Variants in NRG3 observed in about 807,000 individuals in gnomAD.
NRG3 encodes neuregulin 3, also known as pro-neuregulin-3, membrane-bound isoform.
NRG3 carries 31 observed loss-of-function variants against 66.9 expected under a neutral mutation model. That is an observed-to-expected ratio of 0.46 (90% CI 0.35 to 0.63). The LOEUF (loss-of-function observed/expected upper bound fraction) is 0.63, where lower values mean the gene tolerates loss of function less well. NRG3 is among the 20% of genes least tolerant of loss of function. NRG3 has a pLI of 0.00. For synonymous variants in NRG3, 393 were observed against 359.4 expected, an observed-to-expected ratio of 1.09 and a Z score of -1.06; for missense variants, 910 against 878.9, an observed-to-expected ratio of 1.04 and a Z score of -0.45.
At chr10:81,905,878 GGGCCATCTTTATTAGA>G (rs1844554789) in intron 1 of NRG3, among the ~76,000 whole-genome samples, 1 of 152,138 alleles carries the variant, frequency 6.6e-6, no homozygotes, top group Admixed American at 6.5e-5. Context: ...CAAATCTCTT[GGGCCATCTTTATTAGA>G]GGAAGCAGCA....
chr10:82,481,339 C>T (rs371175433), intron 2 of NRG3, among the ~76,000 whole-genome samples: 187 of 152,178 alleles, frequency 1.2e-3, no homozygotes, highest in East Asian at 8.7e-3. Context: ...ATATTTGTAC[C>T]GTGAACTCAT....
At chr10:82,507,331 A>C (rs986897153) in intron 2 of NRG3, among the ~76,000 whole-genome samples, 4 of 152,144 alleles carry the variant, frequency 2.6e-5, no homozygotes, top group African/African-American at 9.7e-5. Context: ...CAATAAAGAG[A>C]GAGAAGTGAG....
intron 2 of NRG3, among the ~76,000 whole-genome samples, chr10:82,570,653 T>A (rs1264806060): frequency 6.6e-6 from 1 of 151,614 alleles, no homozygotes. Flanking sequence ...AATCAAGATC[T>A]ATTGGTAAAT....
chr10:82,612,530 T>C (rs1004268641), intron 2 of NRG3, among the ~76,000 whole-genome samples: 1 of 152,202 alleles, frequency 6.6e-6, no homozygotes, highest in Admixed American at 6.5e-5. Flanking sequence ...GAAAAACATA[T>C]GGCATTAATG....
intron 1 of NRG3, among the ~76,000 whole-genome samples, chr10:82,286,107 T>A (rs11193429): frequency 0.12 from 18,626 of 152,160 alleles, 2,934 homozygotes; most frequent in African/African-American, 0.36. Context: ...TATACCTTTA[T>A]GTCCTTTATA....
At chr10:82,977,598 C>CAA (rs766341428) in intron 7 of NRG3, among the ~76,000 whole-genome samples, 9 of 55,394 alleles carry the variant, frequency 1.6e-4, no homozygotes, top group African/African-American at 2.0e-4. Flanking sequence ...GACTCTGTCT[C>CAA]AAAAAAAAAA....
intron 2 of NRG3, among the ~76,000 whole-genome samples, chr10:82,381,073 C>A (rs940947751): frequency 1.3e-5 from 2 of 151,960 alleles, no homozygotes; most frequent in Admixed American, 1.3e-4. Flanking sequence ...AAAAGGCAAG[C>A]AGACAAAATG....
intron 2 of NRG3, among the ~76,000 whole-genome samples, chr10:82,698,546 T>C (rs1458536162): frequency 6.6e-6 from 1 of 152,196 alleles, no homozygotes. Context: ...TAAGCCCTAT[T>C]AAATAAATTA....
At chr10:82,176,880 G>GACACACACACACACAC (rs142443398) in intron 1 of NRG3, among the ~76,000 whole-genome samples, 7,862 of 146,090 alleles carry the variant, frequency 0.054, 291 homozygotes, top group East Asian at 0.13. Context: ...TTTAAAACAA[G>GACACACACACACACAC]ACACACACAC....
chr10:82,341,823 A>C (rs2082703996), intron 1 of NRG3, among the ~76,000 whole-genome samples: 1 of 151,886 alleles, frequency 6.6e-6, no homozygotes, highest in Non-Finnish European at 1.5e-5. Context: ...CCCTTTGTTT[A>C]GCTCCTGGTT....
intron 1 of NRG3, among the ~76,000 whole-genome samples, chr10:82,185,857 G>T (rs560529342): frequency 2.0e-3 from 311 of 152,232 alleles, no homozygotes; most frequent in African/African-American, 7.2e-3. Flanking sequence ...GTTCGAGTTA[G>T]GTTTATCATT....
intron 1 of NRG3, among the ~76,000 whole-genome samples, chr10:81,976,672 A>G (rs1343323883): frequency 6.6e-6 from 1 of 152,210 alleles, no homozygotes; most frequent in African/African-American, 2.4e-5. Flanking sequence ...CTGTCACCCA[A>G]ATGAAGAAAT....
At chr10:82,394,883 C>A (rs1216953784) in intron 2 of NRG3, among the ~76,000 whole-genome samples, 2 of 152,138 alleles carry the variant, frequency 1.3e-5, no homozygotes, top group African/African-American at 4.8e-5. Flanking sequence ...TTGAACTCTT[C>A]TGTGCTGCTG....
At chr10:82,550,149 A>G (rs1252482406) in intron 2 of NRG3, among the ~76,000 whole-genome samples, 2 of 152,214 alleles carry the variant, frequency 1.3e-5, no homozygotes, top group Non-Finnish European at 2.9e-5. Context: ...AATGCTTGCC[A>G]CATAGAAAGC....
chr10:82,485,787 C>T (rs1229002634), intron 2 of NRG3, among the ~76,000 whole-genome samples: 1 of 44,146 alleles, frequency 2.3e-5, no homozygotes, highest in African/African-American at 5.0e-5. Flanking sequence ...AAAGTACAGG[C>T]AGCAAAAGCA....
intron 2 of NRG3, among the ~76,000 whole-genome samples, chr10:82,576,008 A>G (rs1228787822): frequency 6.6e-6 from 1 of 151,780 alleles, no homozygotes; most frequent in African/African-American, 2.4e-5. Flanking sequence ...GGAAGTGACT[A>G]CAAAGTGACA....
intron 2 of NRG3, among the ~76,000 whole-genome samples, chr10:82,521,185 C>CA (rs1345288344): frequency 1.3e-5 from 2 of 151,838 alleles, no homozygotes; most frequent in Non-Finnish European, 2.9e-5. Flanking sequence ...GTTATGTGTA[C>CA]AAAAAATACC....
At chr10:82,947,568 A>G (rs1430510357) in intron 4 of NRG3, among the ~76,000 whole-genome samples, 2 of 152,244 alleles carry the variant, frequency 1.3e-5, no homozygotes, top group Non-Finnish European at 2.9e-5. Flanking sequence ...TGAGAGTTCT[A>G]GTTGTTCACA....
chr10:82,215,818 A>G (rs117018423), intron 1 of NRG3, among the ~76,000 whole-genome samples: 37 of 152,216 alleles, frequency 2.4e-4, no homozygotes, highest in Non-Finnish European at 3.8e-4. Flanking sequence ...ATGCAATTTG[A>G]TAATTATATT....
Sources: gnomAD v4.1 joint callset for allele counts (sites outside exome capture counted in the v4.1 genomes callset) on GRCh38, gnomAD v4.1.1 for gene constraint, MANE v1.5 for transcripts, NCBI Gene and HGNC (gene_info 2026-07-23, HGNC 2026-07-21) for gene names.